The following BAIAP2L2 variants were observed in gnomAD, a reference collection of about 807,000 sequenced individuals.
BAIAP2L2 encodes BAR/IMD domain containing adaptor protein 2 like 2.
In BAIAP2L2, 65 loss-of-function variants were observed where a neutral mutation model predicts 60.4. The ratio of observed to expected loss-of-function variants is 1.08; its 90% confidence interval spans 0.88 to 1.32. The LOEUF (loss-of-function observed/expected upper bound fraction) is 1.32, where lower values mean the gene tolerates loss of function less well. Among genes scored for constraint, BAIAP2L2 ranks in the 40% most tolerant of loss-of-function variants. The pLI is 0.00. For missense variants in BAIAP2L2, 836 were observed against 741.2 expected (o/e 1.13, Z -1.48); for synonymous variants, 344 against 301.7 (o/e 1.14, Z -1.45).
Position 38,089,640 on chromosome 22 carries a change from C to T in BAIAP2L2, c.647G>A (p.Trp216Ter). The T allele has an allele frequency of 1.6e-6, 2 of 1,231,954 alleles. No homozygotes were observed. The highest frequency in any genetic ancestry group is 2.0e-6 in the Non-Finnish European group (2 of 988,038). The allele number at this position is 1,231,954 out of a possible 1,614,324, so 76.3% of individuals were successfully genotyped here. Residue 216 changes from tryptophan to a stop codon, truncating the protein, a stop_gained, in exon 8 of 14, where the codon TGG (tryptophan) becomes TAG (stop). Coordinates refer to ENST00000381669, the MANE Select transcript of BAIAP2L2 (RefSeq NM_025045.6). LOFTEE classifies it high-confidence loss of function. ...GCGGCTGGCCTCAGACTGCTCCTTC[C>T]ACAGCAGCACGCGGTTCTGGAGCAT... Reference protein sequence around the residue: ...RGMLQNRVLLWKEQSEASRSP... With the variant: ...RGMLQNRVLL
chr22:38,110,560 G>C lies in BAIAP2L2; in HGVS notation c.-35C>G. Reference sequence around the variant, plus strand: ...GTCCCGGGTCTGAGCAGGAGGCTGGGAGCTGGTGGCGATGGCACAGCCGGG... The same window carrying C: ...GTCCCGGGTCTGAGCAGGAGGCTGGCAGCTGGTGGCGATGGCACAGCCGGG... On this transcript the variant is annotated 5_prime_UTR_variant, in exon 1 of 14. Transcript: ENST00000381669. 1.3e-6 allele frequency: 2 copies of C among 1,582,954 alleles called. No individual in the cohort carries two copies. Among genetic ancestry groups the C allele is most frequent in the Non-Finnish European group, 1.7e-6 (2 of 1,160,454 alleles).
chr22:38,088,913 T>C lies in BAIAP2L2; in HGVS notation c.953A>G (p.Glu318Gly), dbSNP rs753816499. Reference protein sequence around the residue: ...AQSSRSNSFGERPGGGGGARR... With the variant: ...AQSSRSNSFGGRPGGGGGARR... ...GGCGCCCCCGCCGCCGCCCGGGCGC[T>C]CGCCAAAGGAGTTGGAGCGCGAGCT... The change falls in exon 10 of 14, where the codon GAG becomes GGG. Residue 318 changes from glutamate (E) to glycine (G), a missense_variant. Glu to Gly is a moderately conservative substitution (Grantham distance 98). Coordinates refer to ENST00000381669, the MANE Select transcript of BAIAP2L2 (RefSeq NM_025045.6). 31 of 1,556,848 alleles carry C rather than the reference T, an allele frequency of 2.0e-5. No individual in the cohort carries two copies. Among genetic ancestry groups the C allele is most frequent in the Non-Finnish European group, 2.3e-5 (27 of 1,158,860 alleles).
chr22:38,098,021 A>ATCCAGG, intron 6 of BAIAP2L2, 42 bp downstream of exon 6: 1 of 588,220 alleles, frequency 1.7e-6, no homozygotes, highest in Non-Finnish European at 3.1e-6. Flanking sequence ...AGGTCTGCCC[A>ATCCAGG]CCCGCCCTTC....
chr22:38,106,527 TTAAAAA>T (rs1217376288), intron 4 of BAIAP2L2, among the ~76,000 whole-genome samples: 2 of 89,288 alleles, frequency 2.2e-5, no homozygotes, highest in East Asian at 6.1e-4. Flanking sequence ...CTCAAAAAAA[TTAAAAA>T]AAAAAAAAAA....
chr22:38,097,140 G>A lies in BAIAP2L2; in HGVS notation c.504C>T (p.Phe168=). The A allele has an allele frequency of 6.2e-7, 1 of 1,613,928 alleles. No homozygotes were observed. The highest frequency in any genetic ancestry group is 8.5e-7 in the Non-Finnish European group (1 of 1,180,030). The part of the protein sequence containing the change: ...VNRLHAQMQA[F]VSESQRAAEL... ...CAGCCGCCCGCTGACTCTCAGACAC[G>A]AAGGCCTGCATCTGTGCGTGCAGCC... Residue 168 remains phenylalanine (F), a synonymous_variant, in exon 7 of 14, where the codon TTC becomes TTT. Coordinates refer to ENST00000381669, the MANE Select transcript of BAIAP2L2 (RefSeq NM_025045.6).
At chr22:38,088,680 C>G in intron 10 of BAIAP2L2, 68 bp downstream of exon 10, 2 of 1,466,046 alleles carry the variant, frequency 1.4e-6, no homozygotes, top group Non-Finnish European at 1.8e-6. Context: ...TCCGGCAGGT[C>G]CCCGGGTTCC....
intron 7 of BAIAP2L2, among the ~76,000 whole-genome samples, chr22:38,096,111 G>A (rs1434362737): frequency 6.6e-6 from 1 of 152,088 alleles, no homozygotes; most frequent in African/African-American, 2.4e-5. Context: ...AAAGAGATAA[G>A]CAAAGAGAAG....
At chr22:38,098,355 GGA>G in intron 5 of BAIAP2L2, 54 bp downstream of exon 5, 1 of 1,558,924 alleles carries the variant, frequency 6.4e-7, no homozygotes, top group Non-Finnish European at 8.8e-7. Context: ...CTGTCAAATG[GGA>G]GAGGGGGTCC....
In BAIAP2L2 at chr22:38,088,923, A is replaced by G; in HGVS notation, c.943T>C (p.Ser315Pro). The G allele has an allele frequency of 6.5e-7, 1 of 1,547,492 alleles. No homozygotes were observed. Among genetic ancestry groups the G allele is most frequent in the South Asian group, 1.2e-5 (1 of 85,062 alleles). Residue 315 changes from serine to proline, a missense_variant, in exon 10 of 14, where the codon TCC (serine) becomes CCC (proline). By Grantham distance (74) the Ser-to-Pro change is moderately conservative. Transcript: ENST00000381669. Reference protein sequence around the residue: ...SGSAQSSRSNSFGERPGGGGG... With the variant: ...SGSAQSSRSNPFGERPGGGGG... ...CCGCCGCCCGGGCGCTCGCCAAAGGAGTTGGAGCGCGAGCTTTGGGCGCTG... is the reference window on the plus strand; with the variant it reads ...CCGCCGCCCGGGCGCTCGCCAAAGGGGTTGGAGCGCGAGCTTTGGGCGCTG...
rs762912832 is a variant in BAIAP2L2 at position 38,086,335 on chromosome 22, C to T, written c.1374G>A (p.Arg458=). Residue 458 remains arginine (R), a synonymous_variant, in exon 12 of 14, where the codon CGG becomes CGA. Coordinates refer to ENST00000381669, the MANE Select transcript of BAIAP2L2 (RefSeq NM_025045.6). ...CAGGGCTGGGGGCACGGCTTGGCAC[C>T]CGGCTTGGGGTGCGGGAGCGGGACT... ...DGQSRSRTPS[R]VPSRAPSPAP... is the part of the protein sequence containing the mutation. 3 of 1,565,694 alleles carry T rather than the reference C, an allele frequency of 1.9e-6. No homozygotes were observed. The South Asian group carries it at 3.4e-5, about 18-fold the overall frequency.
At chr22:38,087,821 C>T (rs1300500199) in intron 10 of BAIAP2L2, among the ~76,000 whole-genome samples, 1 of 151,946 alleles carries the variant, frequency 6.6e-6, no homozygotes, top group Non-Finnish European at 1.5e-5. Context: ...TCACACCTCT[C>T]CAATCACCCA....
intron 10 of BAIAP2L2, among the ~76,000 whole-genome samples, chr22:38,087,817 C>G (rs2086143345): frequency 6.6e-6 from 1 of 151,714 alleles, no homozygotes; most frequent in South Asian, 2.1e-4. Flanking sequence ...CCACTCACAC[C>G]TCTCCAATCA....
At chr22:38,088,467 A>G (rs1440097844) in intron 10 of BAIAP2L2, among the ~76,000 whole-genome samples, 1 of 152,172 alleles carries the variant, frequency 6.6e-6, no homozygotes, top group Non-Finnish European at 1.5e-5. Flanking sequence ...TGCTCAAGCA[A>G]TAGGATTTCT....
At chr22:38,110,130 AGAGAGAGAGAGAGAGAGAGG>A (rs2086802041) in intron 1 of BAIAP2L2, among the ~76,000 whole-genome samples, 2 of 103,644 alleles carry the variant, frequency 1.9e-5, no homozygotes, top group East Asian at 2.5e-4. Flanking sequence ...GGAGAGAGAG[AGAGAGAGAGAGAGAGAGAGG>A]GAGAGACAGA....
upstream of BAIAP2L2, among the ~76,000 whole-genome samples, chr22:38,110,861 C>T (rs984757195): frequency 2.6e-5 from 4 of 152,130 alleles, no homozygotes; most frequent in Non-Finnish European, 5.9e-5. Context: ...TGGGTCACCC[C>T]CTCCTCAAGG....
chr22:38,106,665 C>G lies in BAIAP2L2; in HGVS notation c.276+1187G>C, dbSNP rs1249826228. On this transcript the variant is annotated intron_variant, in intron 4 of 13. Transcript: ENST00000381669. ...AGAACAATTAGTTAAAATTTCCTTCCGAACCTTCCCACTTGCCTCACCACC... is the reference window on the plus strand; with the variant it reads ...AGAACAATTAGTTAAAATTTCCTTCGGAACCTTCCCACTTGCCTCACCACC... Among the ~76,000 whole-genome samples, 6 of 152,150 alleles carry G rather than the reference C, an allele frequency of 3.9e-5. No homozygotes were observed. The South Asian group carries it at 1.2e-3, about 32-fold the overall frequency.
rs371258676 is a variant in BAIAP2L2, at chr22:38,104,219, T to C, written c.276+3633A>G. 5.9e-5 allele frequency among the ~76,000 whole-genome samples: 9 copies of C among 152,294 alleles called. No individual in the cohort carries two copies. The East Asian group carries it at 1.4e-3, about 23-fold the overall frequency. On this transcript the variant is annotated intron_variant, in intron 4 of 13. Transcript: ENST00000381669. ...TAGCTAAGAATGCTTTGAAAAGGCA[T>C]GGGAGGAACAGTGGTGTGTATCCCC...
At chr22:38,098,023 C>CCTG in intron 6 of BAIAP2L2, 40 bp downstream of exon 6, 1 of 860,292 alleles carries the variant, frequency 1.2e-6, no homozygotes, top group Non-Finnish European at 1.9e-6. Flanking sequence ...GTCTGCCCAC[C>CCTG]CGCCCTTCCT....
chr22:38,109,978 C>G (rs1162304101), intron 1 of BAIAP2L2, among the ~76,000 whole-genome samples: 1 of 142,736 alleles, frequency 7.0e-6, no homozygotes, highest in Non-Finnish European at 1.5e-5. Context: ...GTGGCGGCTG[C>G]AACAACCCCC....
Sources: gnomAD v4.1 joint callset for allele counts (sites outside exome capture counted in the v4.1 genomes callset) on GRCh38, gnomAD v4.1.1 for gene constraint, MANE v1.5 for transcripts, NCBI Gene and HGNC (gene_info 2026-07-23, HGNC 2026-07-21) for gene names.